Variants in STXBP6 observed in about 807,000 individuals in gnomAD.
STXBP6 encodes syntaxin-binding protein 6.
Under a neutral mutation model 26.9 loss-of-function variants are expected in STXBP6, and 21 were observed. The ratio of observed to expected loss-of-function variants is 0.78; its 90% confidence interval spans 0.55 to 1.12. STXBP6 has a LOEUF of 1.12. Among genes scored for constraint, STXBP6 ranks in the 50% most tolerant of loss-of-function variants. The probability of loss-of-function intolerance (pLI) is 0.00; values close to 1 mark genes in which losing one functional copy is unlikely to be tolerated. For missense variants in STXBP6, 232 were observed against 257.9 expected, an observed-to-expected ratio of 0.90 and a Z score of 0.69; for synonymous variants, 97 against 92.6, an observed-to-expected ratio of 1.05 and a Z score of -0.27.
chr14:24,866,462 T>C (rs980518775), intron 2 of STXBP6, among the ~76,000 whole-genome samples: 3 of 152,258 alleles, frequency 2.0e-5, no homozygotes, highest in South Asian at 4.1e-4. Context: ...TGTGTATGTA[T>C]ATACACTCAT....
intron 1 of STXBP6, among the ~76,000 whole-genome samples, chr14:25,037,546 C>T (rs1566579005): frequency 6.6e-6 from 1 of 152,178 alleles, no homozygotes; most frequent in Non-Finnish European, 1.5e-5. Context: ...AAGTTGCATT[C>T]CTTTACAGGC....
chr14:24,934,220 T>C (rs1387838789), intron 2 of STXBP6, among the ~76,000 whole-genome samples: 2 of 152,184 alleles, frequency 1.3e-5, no homozygotes, highest in Non-Finnish European at 2.9e-5. Flanking sequence ...CAGGTTAATA[T>C]AAAGACATCA....
intron 2 of STXBP6, among the ~76,000 whole-genome samples, chr14:24,971,674 C>T (rs2073910369): frequency 6.6e-6 from 1 of 152,220 alleles, no homozygotes; most frequent in South Asian, 2.1e-4. Flanking sequence ...AATGCCCTCT[C>T]ACCCACACAA....
intron 2 of STXBP6, among the ~76,000 whole-genome samples, chr14:24,877,254 A>T (rs2070178507): frequency 6.6e-6 from 1 of 152,202 alleles, no homozygotes; most frequent in South Asian, 2.1e-4. Flanking sequence ...CCTCAAAACC[A>T]TTTTATAAAT....
At chr14:24,817,824 A>G (rs1454357597) in intron 5 of STXBP6, 1 of 330,104 alleles carries the variant, frequency 3.0e-6, no homozygotes, top group Non-Finnish European at 5.9e-6. Context: ...TCCTTGAAGG[A>G]ACTCGAAATG....
chr14:24,833,332 T>C (rs751429817), intron 4 of STXBP6, among the ~76,000 whole-genome samples: 2 of 152,234 alleles, frequency 1.3e-5, no homozygotes, highest in East Asian at 1.9e-4. Context: ...ATTCTACCTA[T>C]GTTCCCCTAG....
At chr14:24,982,940 G>T (rs925375450) in intron 1 of STXBP6, among the ~76,000 whole-genome samples, 1 of 152,162 alleles carries the variant, frequency 6.6e-6, no homozygotes, top group African/African-American at 2.4e-5. Context: ...TCATTTGGAG[G>T]ATTTATTGAG....
At chr14:24,872,802 T>C (rs2069986511) in intron 2 of STXBP6, among the ~76,000 whole-genome samples, 2 of 152,200 alleles carry the variant, frequency 1.3e-5, no homozygotes, top group South Asian at 4.1e-4. Context: ...CTAACGTGTG[T>C]CCATCCTTCA....
intron 2 of STXBP6, among the ~76,000 whole-genome samples, chr14:24,937,463 C>T (rs147794966): frequency 2.0e-5 from 3 of 152,280 alleles, no homozygotes; most frequent in East Asian, 3.9e-4. Flanking sequence ...AGGGCAATTA[C>T]ACTCAACCTG....
intron 2 of STXBP6, among the ~76,000 whole-genome samples, chr14:24,948,678 T>G (rs576654563): frequency 6.6e-6 from 1 of 152,328 alleles, no homozygotes; most frequent in African/African-American, 2.4e-5. Context: ...GCAGGGGTTC[T>G]CCTGGATTAA....
Position 24,810,940 on chromosome 14 carries a change from G to C in STXBP6, c.*1769C>G, listed in dbSNP as rs1594886480. On this transcript the variant is annotated 3_prime_UTR_variant, in exon 6 of 6. Coordinates refer to ENST00000323944, the MANE Select transcript of STXBP6 (RefSeq NM_001394410.1). The stretch of plus-strand genomic sequence containing the variant: ...GATCTGCAAACAAAATCTATTTGGA[G>C]TGATATTTGGGGCTTTTCCTAGAAA... 6.8e-6 allele frequency: 1 copy of C among 147,932 alleles called. No individual in the cohort carries two copies. The highest frequency in any genetic ancestry group is 2.0e-4 in the East Asian group (1 of 4,958). The allele number at this position is 147,932 out of a possible 1,614,324, so 9.2% of individuals were successfully genotyped here. A position where few individuals can be genotyped will look rare whatever the true frequency, so the allele number is the denominator to read the frequency against.
intron 1 of STXBP6, among the ~76,000 whole-genome samples, chr14:25,002,126 A>T (rs1595292770): frequency 6.6e-6 from 1 of 152,214 alleles, no homozygotes. Context: ...GTAACCCAAC[A>T]TATGGATACT....
chr14:24,866,902 A>G (rs1403857390), intron 2 of STXBP6, among the ~76,000 whole-genome samples: 1 of 152,050 alleles, frequency 6.6e-6, no homozygotes, highest in African/African-American at 2.4e-5. Flanking sequence ...AGAATACGAC[A>G]CATTAATTTA....
intron 1 of STXBP6, among the ~76,000 whole-genome samples, chr14:25,002,359 C>T (rs1430261054): frequency 2.8e-4 from 34 of 121,354 alleles, no homozygotes; most frequent in South Asian, 5.1e-4. Flanking sequence ...ATTCTTATGA[C>T]TTTTTTTTTT....
At chr14:24,827,753 A>G (rs909124044) in intron 4 of STXBP6, among the ~76,000 whole-genome samples, 2 of 152,080 alleles carry the variant, frequency 1.3e-5, no homozygotes. Context: ...TCTCATTTCT[A>G]TGCTTTGCTG....
rs185151115 is a variant in STXBP6 at position 24,974,866 on chromosome 14, A to C, written c.-32-16T>G. 1 of 1,501,058 alleles carries C rather than the reference A, an allele frequency of 6.7e-7. No individual in the cohort carries two copies. The highest frequency in any genetic ancestry group is 2.3e-5 in the East Asian group (1 of 43,038). The allele number at this position is 1,501,058 out of a possible 1,614,324, so 93.0% of individuals were successfully genotyped here. ...CGCAGTGAATCTTTTAAAGAAGGAA[A>C]AGAAAGGAAAGTTGGAATTGACAAC... On this transcript the variant is annotated splice_polypyrimidine_tract_variant and intron_variant, in intron 1 of 5. Coordinates refer to ENST00000323944, the MANE Select transcript of STXBP6 (RefSeq NM_001394410.1).
intron 2 of STXBP6, among the ~76,000 whole-genome samples, chr14:24,955,795 A>T (rs2073324589): frequency 1.3e-5 from 2 of 152,214 alleles, no homozygotes; most frequent in Non-Finnish European, 2.9e-5. Flanking sequence ...AACCACAGTA[A>T]GAGCAGCTTC....
At chr14:24,900,660 C>T (rs1014354180) in intron 2 of STXBP6, among the ~76,000 whole-genome samples, 2 of 152,146 alleles carry the variant, frequency 1.3e-5, no homozygotes, top group African/African-American at 4.8e-5. Flanking sequence ...CCCAGTTTTT[C>T]AGTGTGCTAC....
intron 2 of STXBP6, among the ~76,000 whole-genome samples, chr14:24,869,745 C>T (rs1595004116): frequency 6.6e-6 from 1 of 152,292 alleles, no homozygotes; most frequent in African/African-American, 2.4e-5. Context: ...GTATCTTCCC[C>T]TCCCTCAGAC....
Sources: gnomAD v4.1 joint callset for allele counts (sites outside exome capture counted in the v4.1 genomes callset) on GRCh38, gnomAD v4.1.1 for gene constraint, MANE v1.5 for transcripts, NCBI Gene and HGNC (gene_info 2026-07-23, HGNC 2026-07-21) for gene names.